Variants in CPXM2 observed in about 807,000 individuals in gnomAD.
CPXM2 encodes the protein carboxypeptidase X, M14 family member 2.
Under a neutral mutation model 86.1 loss-of-function variants are expected in CPXM2, and 66 were observed. The observed-to-expected ratio is 0.77, with a 90% CI of 0.63 to 0.94. The LOEUF is 0.94. Ranked by LOEUF, CPXM2 falls within the 40% of genes least tolerant of loss-of-function variation. CPXM2 has a pLI of 0.00. For missense variants in CPXM2, 948 were observed against 1,026.3 expected, an observed-to-expected ratio of 0.92 and a Z score of 1.04; for synonymous variants, 388 against 400.2, an observed-to-expected ratio of 0.97 and a Z score of 0.36.
intron 2 of CPXM2, among the ~76,000 whole-genome samples, chr10:123,938,777 G>C (rs372644529): frequency 3.3e-5 from 5 of 152,226 alleles, no homozygotes; most frequent in African/African-American, 7.2e-5. Flanking sequence ...AGTAGAAAGA[G>C]AGAGGGGTCA....
chr10:123,767,007 G>T lies in CPXM2; in HGVS notation c.1445C>A (p.Ala482Glu). ...VPRKVPNHYI[A>E]IPEWFLSENA... ...TTCCGACAGAAACCACTCAGGGATT[G>T]CAATATAGTGATTGGGAACTTTCCT... The change falls in exon 10 of 14, where the codon GCA (alanine) becomes GAA (glutamate). Residue 482 changes from alanine to glutamate, a missense_variant. Transcript: ENST00000241305. The T allele has an allele frequency of 1.2e-6, 2 of 1,614,142 alleles. No homozygotes were observed. Among genetic ancestry groups the T allele is most frequent in the Non-Finnish European group, 1.7e-6 (2 of 1,179,942 alleles).
intron 6 of CPXM2, among the ~76,000 whole-genome samples, chr10:123,788,140 G>C (rs1005992999): frequency 5.3e-5 from 8 of 151,792 alleles, no homozygotes; most frequent in Non-Finnish European, 8.8e-5. Flanking sequence ...AATTAGCTGG[G>C]AGTGATGGCA....
At chr10:123,815,570 C>G (rs1213682624) in intron 4 of CPXM2, among the ~76,000 whole-genome samples, 1 of 152,164 alleles carries the variant, frequency 6.6e-6, no homozygotes, top group Non-Finnish European at 1.5e-5. Context: ...CCCTCCCCAG[C>G]CCATGCTGCC....
Position 123,747,010 on chromosome 10 carries a change from A to G in CPXM2, c.2025T>C (p.Asp675=). The G allele has an allele frequency of 6.2e-7, 1 of 1,613,540 alleles. No homozygotes were observed. ...GINHDIRTAN[D]GDYWRLLNPG... ...GGTTCAGGAGGCGCCAGTAATCCCCATCGTTGGCTGTGAAAAAGAAAACCA... is the reference window on the plus strand; with the variant it reads ...GGTTCAGGAGGCGCCAGTAATCCCCGTCGTTGGCTGTGAAAAAGAAAACCA... The change falls in exon 14 of 14, where the codon GAT becomes GAC. Residue 675 remains aspartate (D), a synonymous_variant. Coordinates refer to ENST00000241305, the MANE Select transcript of CPXM2 (RefSeq NM_198148.3).
chr10:123,852,655 A>G (rs1434488011), intron 3 of CPXM2, among the ~76,000 whole-genome samples: 2 of 152,064 alleles, frequency 1.3e-5, no homozygotes, highest in East Asian at 1.9e-4. Context: ...CAGGCCTCCT[A>G]TTACCTCTGG....
chr10:123,796,736 C>A (rs1210296723), intron 6 of CPXM2, among the ~76,000 whole-genome samples: 1 of 152,228 alleles, frequency 6.6e-6, no homozygotes, highest in Non-Finnish European at 1.5e-5. Context: ...CTGCCCCAGG[C>A]AGTGCTGGAA....
chr10:123,797,452 G>C (rs1186007323), intron 6 of CPXM2, among the ~76,000 whole-genome samples: 1 of 152,118 alleles, frequency 6.6e-6, no homozygotes, highest in East Asian at 1.9e-4. Flanking sequence ...TGTTCACTGT[G>C]CTTCCCAGTG....
intron 3 of CPXM2, among the ~76,000 whole-genome samples, chr10:123,842,979 G>T (rs1848417256): frequency 6.6e-6 from 1 of 152,192 alleles, no homozygotes; most frequent in Admixed American, 6.5e-5. Flanking sequence ...TTAGTGTGGG[G>T]CTGATCATAG....
intron 4 of CPXM2, among the ~76,000 whole-genome samples, chr10:123,837,052 G>C (rs1389501075): frequency 6.6e-6 from 1 of 152,254 alleles, no homozygotes; most frequent in African/African-American, 2.4e-5. Context: ...AAGAAGCAAA[G>C]AGAGAAATTC....
At chr10:123,807,526 A>G (rs568881303) in intron 4 of CPXM2, among the ~76,000 whole-genome samples, 11 of 152,306 alleles carry the variant, frequency 7.2e-5, no homozygotes, top group African/African-American at 2.2e-4. Context: ...CTTATACAAC[A>G]TTCCTTTACT....
intron 2 of CPXM2, among the ~76,000 whole-genome samples, chr10:123,863,276 G>C (rs993737273): frequency 1.3e-5 from 2 of 152,118 alleles, no homozygotes; most frequent in African/African-American, 4.8e-5. Flanking sequence ...ATCCAGAAGG[G>C]GTCTCCTGAC....
intron 4 of CPXM2, among the ~76,000 whole-genome samples, chr10:123,812,166 A>G (rs1186194561): frequency 6.6e-6 from 1 of 152,212 alleles, no homozygotes; most frequent in Non-Finnish European, 1.5e-5. Flanking sequence ...TAATGACAAC[A>G]GCAACAATAA....
chr10:123,819,080 GCTTTGGGCT>G (rs74950291), intron 4 of CPXM2, among the ~76,000 whole-genome samples: 64,430 of 151,944 alleles, frequency 0.42, 16,005 homozygotes, highest in Non-Finnish European at 0.58. Flanking sequence ...CCACCTAGAT[GCTTTGGGCT>G]CCTCCTACCT....
At chr10:123,907,904 G>C (rs1197515843) in intron 2 of CPXM2, among the ~76,000 whole-genome samples, 1 of 150,898 alleles carries the variant, frequency 6.6e-6, no homozygotes. Flanking sequence ...ATTTTAAAAA[G>C]AAAAAAGGAA....
At chr10:123,816,567 C>T (rs913122647) in intron 4 of CPXM2, among the ~76,000 whole-genome samples, 1 of 152,222 alleles carries the variant, frequency 6.6e-6, no homozygotes, top group African/African-American at 2.4e-5. Flanking sequence ...TTATCATAAG[C>T]TTAACCAAGT....
intron 4 of CPXM2, among the ~76,000 whole-genome samples, chr10:123,815,377 C>A (rs556138290): frequency 1.6e-4 from 24 of 152,306 alleles, no homozygotes; most frequent in African/African-American, 5.1e-4. Flanking sequence ...AAGGTGCATA[C>A]ACAGCCTCAT....
chr10:123,865,695 G>A lies in CPXM2; in HGVS notation c.404-2972C>T, dbSNP rs77920874. The stretch of plus-strand genomic sequence containing the variant: ...ACAAGGGGACGCCAAATTCACAACC[G>A]ACATGGGGCACGGGACGGGCACCTG... On this transcript the variant is annotated intron_variant, in intron 2 of 13. Transcript: ENST00000241305. The surrounding 1 kb of genome is among the most constrained non-coding windows in gnomAD (Gnocchi z 4.7). Among the ~76,000 whole-genome samples, 2,964 of 152,224 alleles carry A rather than the reference G, an allele frequency of 0.019. 83 individuals are homozygous for A. The highest frequency in any genetic ancestry group is 0.084 in the South Asian group (404 of 4,808).
intron 2 of CPXM2, among the ~76,000 whole-genome samples, chr10:123,916,639 C>T (rs1348264981): frequency 2.6e-5 from 4 of 152,198 alleles, no homozygotes; most frequent in African/African-American, 9.7e-5. Context: ...CTGTGTTCCT[C>T]TCTCTTCCTC....
Position 123,891,795 on chromosome 10 carries a change from T to C in CPXM2, c.-136A>G, listed in dbSNP as rs1945279601. ...CGCTTGGGCGCGGGAGGCGGCCGGC[T>C]GGCTGCGCGTGTGACCGGCCCGCGG... On this transcript the variant is annotated 5_prime_UTR_variant, in exon 1 of 14. Transcript: ENST00000241305. The surrounding 1 kb of genome is among the most constrained non-coding windows in gnomAD (Gnocchi z 5.6). 2.3e-6 allele frequency: 1 copy of C among 435,818 alleles called. No individual in the cohort carries two copies. The highest frequency in any genetic ancestry group is 1.0e-4 in the South Asian group (1 of 9,630). The allele number at this position is 435,818 out of a possible 1,614,324, so 27.0% of individuals were successfully genotyped here.
Sources: allele counts gnomAD v4.1 joint callset (sites outside exome capture counted in the v4.1 genomes callset), GRCh38; gene constraint gnomAD v4.1.1; non-coding constraint Gnocchi (gnomAD v3.1); transcripts MANE v1.5; gene names NCBI Gene and HGNC (gene_info 2026-07-23, HGNC 2026-07-21).